The following CD300C variants were observed in gnomAD, a reference collection of about 807,000 sequenced individuals.
CD300C encodes CD300c molecule.
Under a neutral mutation model 18.4 loss-of-function variants are expected in CD300C, and 11 were observed. The ratio of observed to expected loss-of-function variants is 0.60; its 90% CI spans 0.38 to 0.99. The LOEUF is 0.99. Among genes scored for constraint, CD300C ranks in the 50% least tolerant of loss-of-function variants. The pLI, the probability that CD300C is intolerant of heterozygous loss-of-function variation, is 0.01. For synonymous variants in CD300C, 116 were observed against 116.3 expected (o/e 1.00, Z 0.02); for missense variants, 277 against 287.4 (o/e 0.96, Z 0.26).
downstream of CD300C, among the ~76,000 whole-genome samples, chr17:74,537,168 A>C (rs186106707): frequency 1.1e-4 from 17 of 152,164 alleles, no homozygotes; most frequent in East Asian, 3.3e-3. Context: ...ACGAGAGAGA[A>C]AGGATAGAGA....
intron 2 of CD300C, 55 bp downstream of exon 2, chr17:74,544,554 G>T: frequency 1.3e-6 from 2 of 1,552,598 alleles, no homozygotes; most frequent in South Asian, 1.2e-5. Flanking sequence ...TTCAGGGACA[G>T]AATGACCAGC....
downstream of CD300C, among the ~76,000 whole-genome samples, chr17:74,537,015 G>A (rs568070046): frequency 2.4e-4 from 36 of 151,088 alleles, no homozygotes; most frequent in African/African-American, 8.5e-4. Flanking sequence ...AGGAAGAGCA[G>A]GAGGAAGAGG....
intron 3 of CD300C, 117 bp from the exon 4 acceptor site, chr17:74,541,853 C>T (rs1439446502): frequency 1.8e-6 from 2 of 1,087,894 alleles, no homozygotes; most frequent in African/African-American, 3.1e-5. Context: ...ACATAAGCAC[C>T]CCCCTGGACA....
At chr17:74,535,402 G>A in the CD300C span, among the ~76,000 whole-genome samples, 1 of 150,242 alleles carries the variant, frequency 6.7e-6, no homozygotes, top group Non-Finnish European at 1.5e-5. Flanking sequence ...CCAGAAGGCG[G>A]AGGTTGCAGT....
chr17:74,536,802 CT>C (rs1395105360), downstream of CD300C, among the ~76,000 whole-genome samples: 2 of 152,148 alleles, frequency 1.3e-5, no homozygotes, highest in Non-Finnish European at 2.9e-5. Flanking sequence ...ATAATTTGCG[CT>C]TGCCTAGTAG....
chr17:74,544,528 C>T, intron 2 of CD300C, 81 bp downstream of exon 2: 1 of 1,489,404 alleles, frequency 6.7e-7, no homozygotes, highest in Non-Finnish European at 9.1e-7. Flanking sequence ...TCACACCCTC[C>T]TGTTCCACTT....
downstream of CD300C, among the ~76,000 whole-genome samples, chr17:74,536,845 A>C (rs1908392029): frequency 6.6e-6 from 1 of 152,192 alleles, no homozygotes; most frequent in South Asian, 2.1e-4. Context: ...AAAACCTAGC[A>C]ATTATTCCCT....
Position 74,541,710 on chromosome 17 carries a change from A to T in CD300C, c.554T>A (p.Leu185Gln). 6.2e-7 allele frequency: 1 copy of T among 1,613,804 alleles called. No homozygotes were observed. The highest frequency in any genetic ancestry group is 8.5e-7 in the Non-Finnish European group (1 of 1,179,734). The change falls in exon 4 of 4, where the codon CTG becomes CAG. Residue 185 changes from leucine to glutamine, a missense_variant. Physicochemically the swap from Leu to Gln is moderately radical, Grantham distance 113 (BLOSUM62 -2). Transcript: ENST00000330793. Reference protein sequence around the residue: ...PGSLFSNVRFLLLVLLELPLL... With the variant: ...PGSLFSNVRFQLLVLLELPLL... ...GGGCAGCTCCAAGAGGACCAGGAGC[A>T]GGAAGCGGACATTGCTGAACAGGGA...
chr17:74,538,561 G>T (rs146745540), downstream of CD300C, among the ~76,000 whole-genome samples: 870 of 152,326 alleles, frequency 5.7e-3, 8 homozygotes, highest in African/African-American at 0.02. Context: ...ATCACCCTAA[G>T]AATTGCCTTG....
Position 74,545,913 on chromosome 17 carries a change from C to T in CD300C, c.-131G>A. On this transcript the variant is annotated 5_prime_UTR_variant, in exon 1 of 4. Transcript: ENST00000330793. ...TCTGCTTCCTTGTCCAGCCCTGTCT[C>T]AGGTCTGAGGCTGGAGAGGGTCAGG... 1.2e-6 allele frequency: 1 copy of T among 809,864 alleles called. No individual in the cohort carries two copies. Among genetic ancestry groups the T allele is most frequent in the African/African-American group, 1.7e-5 (1 of 59,238 alleles). 50.2% of individuals were successfully genotyped at this position (809,864 alleles called of 1,614,324 possible).
downstream of CD300C, among the ~76,000 whole-genome samples, chr17:74,540,334 C>T (rs761670093): frequency 6.6e-6 from 1 of 152,330 alleles, no homozygotes; most frequent in African/African-American, 2.4e-5. Flanking sequence ...TATTTTACTC[C>T]GTGGCTCTTT....
chr17:74,546,093 C>T lies in CD300C; in HGVS notation c.-311G>A, dbSNP rs1431445941. On this transcript the variant is annotated 5_prime_UTR_variant, in exon 1 of 4. Transcript: ENST00000330793. ...CTTCCCCACAGCCCACAGCTTCTGG[C>T]TTCAGTGTGTTACTCACACTGCAGA... The T allele has an allele frequency of 2.6e-5, 9 of 348,858 alleles. No individual in the cohort carries two copies. Among genetic ancestry groups the T allele is most frequent in the South Asian group, 2.1e-4 (6 of 27,950 alleles). The allele number at this position is 348,858 out of a possible 1,614,324, so 21.6% of individuals were successfully genotyped here. A position where few individuals can be genotyped will look rare whatever the true frequency, so the allele number is the denominator to read the frequency against.
chr17:74,543,937 G>A (rs959213720), intron 2 of CD300C, among the ~76,000 whole-genome samples: 1 of 152,150 alleles, frequency 6.6e-6, no homozygotes, highest in Non-Finnish European at 1.5e-5. Flanking sequence ...AGAGAATAAG[G>A]GGGACACACA....
chr17:74,539,927 C>T (rs1908491037), downstream of CD300C, among the ~76,000 whole-genome samples: 1 of 152,214 alleles, frequency 6.6e-6, no homozygotes, highest in African/African-American at 2.4e-5. Context: ...TGCTGTCATC[C>T]TGGGGTCTGC....
intron 3 of CD300C, 30 bp from the exon 4 acceptor site, chr17:74,541,766 C>A: frequency 6.3e-7 from 1 of 1,598,552 alleles, no homozygotes; most frequent in South Asian, 1.1e-5. Flanking sequence ...GGCAGTGAGT[C>A]ACCTCCCCAG....
chr17:74,542,629 C>A (rs1194090328), intron 3 of CD300C, among the ~76,000 whole-genome samples: 1 of 152,238 alleles, frequency 6.6e-6, no homozygotes, highest in Non-Finnish European at 1.5e-5. Context: ...TTGCTCAATG[C>A]GTGAATCCAC....
intron 3 of CD300C, 29 bp from the exon 4 acceptor site, chr17:74,541,765 TC>T: frequency 6.3e-7 from 1 of 1,599,326 alleles, no homozygotes; most frequent in South Asian, 1.1e-5. Flanking sequence ...AGGCAGTGAG[TC>T]ACCTCCCCAG....
intron 2 of CD300C, 101 bp from the exon 3 acceptor site, chr17:74,543,088 G>A: frequency 3.4e-6 from 5 of 1,485,330 alleles, no homozygotes; most frequent in Non-Finnish European, 4.6e-6. Context: ...CACCAATGAT[G>A]TGCTGGACAG....
At chr17:74,542,027 C>T (rs1241756179) in intron 3 of CD300C, among the ~76,000 whole-genome samples, 1 of 152,098 alleles carries the variant, frequency 6.6e-6, no homozygotes, top group Non-Finnish European at 1.5e-5. Context: ...CTCTGTGCTC[C>T]CCATGGAGGG....
Sources: gnomAD v4.1 joint callset for allele counts (sites outside exome capture counted in the v4.1 genomes callset) on GRCh38, gnomAD v4.1.1 for gene constraint, MANE v1.5 for transcripts, NCBI Gene and HGNC (gene_info 2026-07-23, HGNC 2026-07-21) for gene names.